Variants in RMDN1 observed in about 807,000 individuals in gnomAD.
RMDN1 encodes regulator of microtubule dynamics protein 1.
RMDN1 carries 48 observed loss-of-function variants against 48.9 expected under a neutral mutation model. That is an observed-to-expected ratio of 0.98 (90% CI 0.78 to 1.25). The LOEUF is 1.25. RMDN1 is among the 50% of genes most tolerant of loss of function. RMDN1 has a pLI of 0.00. For missense variants in RMDN1, 418 were observed against 373.4 expected, an observed-to-expected ratio of 1.12 and a Z score of -0.98; for synonymous variants, 148 against 132.6, an observed-to-expected ratio of 1.12 and a Z score of -0.80.
chr8:86,502,095 T>C (rs1466146164), intron 2 of RMDN1, among the ~76,000 whole-genome samples: 1 of 152,166 alleles, frequency 6.6e-6, no homozygotes, highest in Non-Finnish European at 1.5e-5. Flanking sequence ...TCTGCTTCTT[T>C]CCCCAATCAC....
chr8:86,508,442 G>C (rs200960769), intron 1 of RMDN1, 50 bp downstream of exon 1: 17,579 of 1,512,078 alleles, frequency 0.012, 162 homozygotes, highest in South Asian at 0.026. Flanking sequence ...GGGGGAGCCG[G>C]AACCCACTGA....
intron 2 of RMDN1, among the ~76,000 whole-genome samples, chr8:86,493,500 A>T (rs2130987689): frequency 6.6e-6 from 1 of 152,374 alleles, no homozygotes; most frequent in South Asian, 2.1e-4. Flanking sequence ...TTAGCTTTAA[A>T]AGAGAAGAAA....
chr8:86,482,948 GGTC>G, intron 5 of RMDN1: 2 of 786,924 alleles, frequency 2.5e-6, no homozygotes, highest in South Asian at 1.4e-5. Flanking sequence ...GCTCGGACGA[GGTC>G]CCCGGCGGAC....
At chr8:86,511,577 AG>A (rs1317860587), upstream of RMDN1, among the ~76,000 whole-genome samples, 1 of 152,184 alleles carries the variant, frequency 6.6e-6, no homozygotes, top group Non-Finnish European at 1.5e-5. Flanking sequence ...TGAGAGGCCA[AG>A]GCCAGTGGAT....
rs113774549 is a variant in RMDN1 at position 86,480,235 on chromosome 8, T to C, written c.641+42A>G. On this transcript the variant is annotated intron_variant, in intron 6 of 9. Coordinates refer to ENST00000406452, the MANE Select transcript of RMDN1 (RefSeq NM_016033.3). ...AGATATTTATACATACTACAAAATA[T>C]CACACTAAATACTACTGAAATATTT... 5.2e-5 allele frequency: 51 copies of C among 988,914 alleles called. 2 individuals carry two copies. Among genetic ancestry groups the C allele is most frequent in the African/African-American group, 3.8e-4 (23 of 60,780 alleles). 61.3% of individuals were successfully genotyped at this position (988,914 alleles called of 1,614,324 possible).
intron 2 of RMDN1, among the ~76,000 whole-genome samples, chr8:86,499,646 C>T (rs1186879454): frequency 1.3e-5 from 2 of 151,840 alleles, no homozygotes; most frequent in African/African-American, 4.8e-5. Flanking sequence ...TTTGTTATTC[C>T]TGTCAAACTA....
At chr8:86,495,374 G>A (rs998648829) in intron 2 of RMDN1, among the ~76,000 whole-genome samples, 3 of 151,774 alleles carry the variant, frequency 2.0e-5, no homozygotes, top group Admixed American at 6.6e-5. Context: ...GAAATGGCAG[G>A]GAGAACTACC....
chr8:86,507,021 G>A lies in RMDN1; in HGVS notation c.221C>T (p.Ala74Val). The A allele has an allele frequency of 6.2e-7, 1 of 1,608,946 alleles. No homozygotes were observed. The highest frequency in any genetic ancestry group is 8.5e-7 in the Non-Finnish European group (1 of 1,175,238). The change falls in exon 2 of 10, where the codon GCT becomes GTT. Residue 74 changes from alanine to valine, a missense_variant. Physicochemically the swap from Ala to Val is moderately conservative, Grantham distance 64 (BLOSUM62 0). Transcript: ENST00000406452. ...TTTGGCTGTGGCATGAACCACAGCA[G>A]CCTGAGAGATAACCTGGTAAGTTTC... ...GFETYQVISQ[A>V]AVVHATAKVE... is the part of the protein sequence containing the mutation.
intron 5 of RMDN1, 89 bp from the exon 6 acceptor site, chr8:86,480,421 T>TA (rs1475936124): frequency 3.0e-6 from 2 of 662,792 alleles, no homozygotes; most frequent in East Asian, 2.9e-5. Context: ...CATGATTTTT[T>TA]AAAAAATGCA....
chr8:86,508,764 T>C, upstream of RMDN1: 1 of 1,372,210 alleles, frequency 7.3e-7, no homozygotes, highest in South Asian at 1.7e-5. Flanking sequence ...CCAGCACCTC[T>C]TCCGCCCCCA....
chr8:86,511,289 A>G (rs570647278), upstream of RMDN1, among the ~76,000 whole-genome samples: 27 of 151,758 alleles, frequency 1.8e-4, no homozygotes, highest in African/African-American at 5.6e-4. Context: ...CCTGGCTAAC[A>G]CAGTGAAACC....
At chr8:86,494,625 C>T (rs142483361) in intron 2 of RMDN1, among the ~76,000 whole-genome samples, 7 of 152,100 alleles carry the variant, frequency 4.6e-5, no homozygotes, top group East Asian at 1.9e-4. Context: ...TCCCCTACTG[C>T]GGCTATGAAG....
chr8:86,479,041 C>G, intron 6 of RMDN1, 31 bp from the exon 7 acceptor site: 2 of 1,434,796 alleles, frequency 1.4e-6, no homozygotes, highest in Non-Finnish European at 9.8e-7. Flanking sequence ...TTTATACATT[C>G]AAATTGTACC....
rs561730786 is a variant in RMDN1, at chr8:86,505,057, C to A, written c.247+1938G>T. ...ATCCAGGCTGCTAAGGAGACCACCA[C>A]CAATGTCTAAGTCATGCCTCCTTCC... On this transcript the variant is annotated intron_variant, in intron 2 of 9. Coordinates refer to ENST00000406452, the MANE Select transcript of RMDN1 (RefSeq NM_016033.3). 2.1e-6 allele frequency: 3 copies of A among 1,444,214 alleles called. No individual in the cohort carries two copies. The African/African-American group carries it at 4.3e-5, about 21-fold the overall frequency. 89.5% of individuals were successfully genotyped at this position (1,444,214 alleles called of 1,614,324 possible). A position where few individuals can be genotyped will look rare whatever the true frequency, so the allele number is the denominator to read the frequency against.
chr8:86,471,992 C>T (rs1231553649), downstream of RMDN1, among the ~76,000 whole-genome samples: 1 of 152,144 alleles, frequency 6.6e-6, no homozygotes, highest in Non-Finnish European at 1.5e-5. Context: ...ATCTTGGGGA[C>T]ATTTGAGAAA....
upstream of RMDN1, among the ~76,000 whole-genome samples, chr8:86,510,427 C>G (rs1315548733): frequency 3.9e-5 from 6 of 151,996 alleles, no homozygotes; most frequent in Admixed American, 3.9e-4. Flanking sequence ...TATGTTTCTA[C>G]TTTCTTTAAA....
At chr8:86,482,465 A>G (rs548561047) in intron 5 of RMDN1, 6 of 548,754 alleles carry the variant, frequency 1.1e-5, no homozygotes, top group Non-Finnish European at 2.0e-5. Flanking sequence ...AATGCCATAT[A>G]TTATTAGAAA....
chr8:86,477,586 C>T (rs1241958160), intron 7 of RMDN1: 1 of 333,552 alleles, frequency 3.0e-6, no homozygotes, highest in Admixed American at 4.9e-5. Flanking sequence ...ACATCATGTG[C>T]AGAAAGGAAA....
intron 2 of RMDN1, among the ~76,000 whole-genome samples, chr8:86,498,274 A>G (rs979218905): frequency 2.0e-5 from 3 of 151,210 alleles, no homozygotes; most frequent in South Asian, 2.1e-4. Flanking sequence ...AAAAAAACCT[A>G]CCAACCAGAA....
Sources: gnomAD v4.1 joint callset for allele counts (sites outside exome capture counted in the v4.1 genomes callset) on GRCh38, gnomAD v4.1.1 for gene constraint, MANE v1.5 for transcripts, NCBI Gene and HGNC (gene_info 2026-07-23, HGNC 2026-07-21) for gene names.